The following CSNK2A2 variants were observed in gnomAD, a reference collection of about 807,000 sequenced individuals.
CSNK2A2 encodes casein kinase II subunit alpha'.
Under a neutral mutation model 54.0 loss-of-function variants are expected in CSNK2A2, and 8 were observed. The ratio of observed to expected loss-of-function variants is 0.15; its 90% confidence interval spans 0.09 to 0.27. CSNK2A2 has a LOEUF of 0.27. Ranked by LOEUF, CSNK2A2 falls within the 10% of genes least tolerant of loss-of-function variation. CSNK2A2 has a pLI of 1.00. For synonymous variants in CSNK2A2, 141 were observed against 153.9 expected (o/e 0.92, Z 0.62); for missense variants, 242 against 439.4 (o/e 0.55, Z 4.02).
intron 2 of CSNK2A2, among the ~76,000 whole-genome samples, chr16:58,188,921 T>C (rs1962259507): frequency 6.6e-6 from 1 of 151,312 alleles, no homozygotes; most frequent in South Asian, 2.1e-4. Flanking sequence ...AGTCCAAAAT[T>C]ATGTTAAGAA....
At chr16:58,182,386 A>C (rs1397964294) in intron 4 of CSNK2A2, among the ~76,000 whole-genome samples, 5 of 143,064 alleles carry the variant, frequency 3.5e-5, no homozygotes, top group Non-Finnish European at 7.6e-5. Flanking sequence ...AAAAAAAAAA[A>C]AAAAAAAAAA....
intron 1 of CSNK2A2, 38 bp from the exon 2 acceptor site, chr16:58,196,882 G>A (rs759401087): frequency 7.4e-7 from 1 of 1,350,132 alleles, no homozygotes; most frequent in East Asian, 2.3e-5. Flanking sequence ...GCCAGGACTG[G>A]GGGTTAACCA....
chr16:58,168,793 T>C (rs1358991876), intron 5 of CSNK2A2, 100 bp from the exon 6 acceptor site: 3 of 892,506 alleles, frequency 3.4e-6, no homozygotes, highest in Non-Finnish European at 5.3e-6. Flanking sequence ...TTGAATACAG[T>C]CCCCCAACGG....
intron 4 of CSNK2A2, among the ~76,000 whole-genome samples, chr16:58,183,838 C>T (rs999662375): frequency 1.3e-5 from 2 of 152,076 alleles, no homozygotes; most frequent in African/African-American, 2.4e-5. Flanking sequence ...ACGTCACGTG[C>T]GCAAACACAC....
At chr16:58,174,878 G>GT (rs34431207) in intron 4 of CSNK2A2, among the ~76,000 whole-genome samples, 21,634 of 152,126 alleles carry the variant, frequency 0.14, 2,023 homozygotes, top group Admixed American at 0.27. Flanking sequence ...TAACCCCACT[G>GT]TAACACCACA....
At chr16:58,193,270 C>T (rs1962359182) in intron 2 of CSNK2A2, among the ~76,000 whole-genome samples, 2 of 152,190 alleles carry the variant, frequency 1.3e-5, no homozygotes, top group South Asian at 2.1e-4. Flanking sequence ...CACCAGCTCA[C>T]GATGAAGCTA....
intron 5 of CSNK2A2, among the ~76,000 whole-genome samples, chr16:58,171,431 G>A (rs1338643471): frequency 1.3e-5 from 2 of 152,030 alleles, no homozygotes; most frequent in Admixed American, 6.6e-5. Context: ...GCCGAGGCGG[G>A]AGAACTGCTT....
chr16:58,183,198 A>G (rs917562086), intron 4 of CSNK2A2, among the ~76,000 whole-genome samples: 8 of 145,454 alleles, frequency 5.5e-5, no homozygotes, highest in Admixed American at 1.4e-4. Context: ...CGTCTCTGCT[A>G]AAAAAAATTT....
At chr16:58,193,398 C>T (rs1188501958) in intron 2 of CSNK2A2, among the ~76,000 whole-genome samples, 1 of 152,158 alleles carries the variant, frequency 6.6e-6, no homozygotes, top group Non-Finnish European at 1.5e-5. Flanking sequence ...TTAATACCAC[C>T]ACCCTTTGTT....
intron 2 of CSNK2A2, among the ~76,000 whole-genome samples, chr16:58,195,416 AG>A (rs1276498024): frequency 6.6e-6 from 1 of 152,238 alleles, no homozygotes; most frequent in East Asian, 1.9e-4. Flanking sequence ...AGAAAGCATA[AG>A]CCTGACCCCT....
At position 58,166,461 on chromosome 16, in the gene CSNK2A2, AG is replaced by A; in HGVS notation, c.827+122del. On this transcript the variant is annotated intron_variant, in intron 9 of 11. Transcript: ENST00000262506. The stretch of plus-strand genomic sequence containing the variant: ...CAATAAGTTAAAAGAAAATATGCAT[AG>A]GAAAAAAGAGGGCTACTTCCATTTT... The A allele has an allele frequency of 1.0e-5, 6 of 585,450 alleles. No homozygotes were observed. The South Asian group carries it at 1.5e-4, about 15-fold the overall frequency. 36.3% of individuals were successfully genotyped at this position (585,450 alleles called of 1,614,324 possible). A position where few individuals can be genotyped will look rare whatever the true frequency, so the allele number is the denominator to read the frequency against.
intron 9 of CSNK2A2, among the ~76,000 whole-genome samples, chr16:58,166,258 A>C (rs987911518): frequency 6.6e-6 from 1 of 152,218 alleles, no homozygotes; most frequent in African/African-American, 2.4e-5. Context: ...ATAATAAAAA[A>C]CAAACTAAGT....
intron 2 of CSNK2A2, among the ~76,000 whole-genome samples, chr16:58,189,779 T>C (rs1962282602): frequency 6.6e-6 from 1 of 152,076 alleles, no homozygotes; most frequent in African/African-American, 2.4e-5. Context: ...AAAAGGAAGG[T>C]GACAGACCCA....
At chr16:58,165,079 G>C (rs1420485172) in intron 10 of CSNK2A2, among the ~76,000 whole-genome samples, 2 of 152,198 alleles carry the variant, frequency 1.3e-5, no homozygotes, top group Non-Finnish European at 2.9e-5. Flanking sequence ...ACACTTCTAA[G>C]TGAGCAGTTC....
chr16:58,176,641 C>T (rs1961887030), intron 4 of CSNK2A2, among the ~76,000 whole-genome samples: 1 of 152,140 alleles, frequency 6.6e-6, no homozygotes, highest in Non-Finnish European at 1.5e-5. Context: ...CAAAACAAGC[C>T]CGTGTTTGCT....
rs1597129989 is a variant in CSNK2A2 at position 58,197,214 on chromosome 16, T to C, written c.105-370A>G. 3 of 281,208 alleles carry C rather than the reference T, an allele frequency of 1.1e-5. No homozygotes were observed. The highest frequency in any genetic ancestry group is 6.8e-6 in the Non-Finnish European group (1 of 146,246). 17.4% of individuals were successfully genotyped at this position (281,208 alleles called of 1,614,324 possible). ...GTAGACAATGCCTGTTTTAAAAATC[T>C]GGACGTCTTTAAGAAATTTCCTCCC... On this transcript the variant is annotated intron_variant, in intron 1 of 11. Coordinates refer to ENST00000262506, the MANE Select transcript of CSNK2A2 (RefSeq NM_001896.4). The surrounding 1 kb of genome is among the most constrained non-coding windows in gnomAD (Gnocchi z 4.0).
chr16:58,164,769 T>C (rs1961514941), intron 10 of CSNK2A2, among the ~76,000 whole-genome samples: 1 of 152,178 alleles, frequency 6.6e-6, no homozygotes, highest in Non-Finnish European at 1.5e-5. Context: ...GTCTCCCTTA[T>C]GCATATGGGC....
rs1962503806 is a variant in CSNK2A2 at position 58,197,606 on chromosome 16, C to T, written c.104+27G>A. The T allele has an allele frequency of 8.7e-6, 13 of 1,486,634 alleles. No individual in the cohort carries two copies. The highest frequency in any genetic ancestry group is 1.1e-5 in the Non-Finnish European group (12 of 1,099,588). The allele number at this position is 1,486,634 out of a possible 1,614,324, so 92.1% of individuals were successfully genotyped here. On this transcript the variant is annotated intron_variant, in intron 1 of 11. Transcript: ENST00000262506. This position sits in a 1 kb window ranked among gnomAD's most constrained non-coding sequence, Gnocchi z 4.0. ...CCGGGCGGGGGCAGGGATCAGCGGG[C>T]CCGGCGGGGGGCGGCGACGGCTTTA...
At chr16:58,185,571 C>T (rs908243249) in intron 3 of CSNK2A2, among the ~76,000 whole-genome samples, 7 of 152,170 alleles carry the variant, frequency 4.6e-5, no homozygotes, top group Admixed American at 2.0e-4. Context: ...TATTTTTACA[C>T]GGTGCTCATT....
Sources: allele counts gnomAD v4.1 joint callset (sites outside exome capture counted in the v4.1 genomes callset), GRCh38; gene constraint gnomAD v4.1.1; non-coding constraint Gnocchi (gnomAD v3.1); transcripts MANE v1.5; gene names NCBI Gene and HGNC (gene_info 2026-07-23, HGNC 2026-07-21).